The following LYAR variants were observed in gnomAD, a reference collection of about 807,000 sequenced individuals.
LYAR encodes the protein Ly1 antibody reactive, also known as cell growth-regulating nucleolar protein.
A neutral mutation model predicts 45.2 loss-of-function variants in LYAR; 37 were observed. That is an observed-to-expected ratio of 0.82 (90% CI 0.63 to 1.08). LYAR has a LOEUF of 1.08. LYAR is among the 50% of genes least tolerant of loss of function. LYAR has a pLI of 0.00. For missense variants in LYAR, 493 were observed against 451.0 expected, an observed-to-expected ratio of 1.09 and a Z score of -0.84; for synonymous variants, 176 against 155.1, an observed-to-expected ratio of 1.14 and a Z score of -1.00.
intron 5 of LYAR, 38 bp from the exon 6 acceptor site, chr4:4,279,568 C>G (rs1719316580): frequency 1.9e-6 from 3 of 1,565,904 alleles, no homozygotes; most frequent in Admixed American, 3.3e-5. Context: ...ATTGATCCCA[C>G]TTGGACAGGT....
chr4:4,274,262 A>C (rs1041304734), intron 7 of LYAR, 105 bp downstream of exon 7: 32 of 1,229,744 alleles, frequency 2.6e-5, no homozygotes, highest in Non-Finnish European at 3.3e-5. Context: ...AAAAAAAACC[A>C]CACACACACG....
intron 8 of LYAR, among the ~76,000 whole-genome samples, chr4:4,271,533 C>G (rs1357571244): frequency 6.6e-6 from 1 of 152,152 alleles, no homozygotes; most frequent in Non-Finnish European, 1.5e-5. Flanking sequence ...TATACCCAAA[C>G]AGTGGGGCTG....
intron 4 of LYAR, among the ~76,000 whole-genome samples, chr4:4,280,175 G>A (rs781048219): frequency 1.3e-5 from 2 of 152,156 alleles, no homozygotes; most frequent in Non-Finnish European, 2.9e-5. Flanking sequence ...ATTTGCAACA[G>A]CATCAAAAAG....
chr4:4,284,822 C>T (rs1719542040), intron 2 of LYAR, among the ~76,000 whole-genome samples: 1 of 152,114 alleles, frequency 6.6e-6, no homozygotes, highest in Non-Finnish European at 1.5e-5. Flanking sequence ...AGCTTTCTTC[C>T]TCATTAGGAA....
At chr4:4,276,112 G>A (rs887070891) in intron 6 of LYAR, among the ~76,000 whole-genome samples, 8 of 152,130 alleles carry the variant, frequency 5.3e-5, no homozygotes, top group Non-Finnish European at 1.2e-4. Flanking sequence ...GAGATGACCT[G>A]GAGCAATTCA....
At chr4:4,277,451 C>A (rs1479171494) in intron 6 of LYAR, among the ~76,000 whole-genome samples, 2 of 152,172 alleles carry the variant, frequency 1.3e-5, no homozygotes, top group African/African-American at 4.8e-5. Flanking sequence ...TAAACCAACT[C>A]CTCGGCCACA....
chr4:4,274,236 C>CA (rs1228889434), intron 7 of LYAR, 131 bp downstream of exon 7: 197 of 1,065,064 alleles, frequency 1.8e-4, no homozygotes, highest in South Asian at 5.9e-4. Flanking sequence ...GACTCCGTCT[C>CA]AAAAAAAACA....
intron 7 of LYAR, 133 bp downstream of exon 7, chr4:4,274,234 C>A: frequency 9.4e-7 from 1 of 1,063,168 alleles, no homozygotes; most frequent in South Asian, 1.6e-5. Context: ...AAGACTCCGT[C>A]TCAAAAAAAA....
In LYAR at chr4:4,270,737, A is replaced by C. The variant is rs552373505; in HGVS notation, c.920-2122T>G. On this transcript the variant is annotated intron_variant, in intron 8 of 9. Transcript: ENST00000343470. ...TCAAACCACAATGAGCGGTTACCAC[A>C]CATCTATCAGAATGGCGAAAATACA... 2.1e-3 allele frequency among the ~76,000 whole-genome samples: 313 copies of C among 152,376 alleles called. 3 individuals are homozygous for C. The highest frequency in any genetic ancestry group is 7.2e-3 in the African/African-American group (298 of 41,588).
chr4:4,279,745 A>C lies in LYAR; in HGVS notation c.242T>G (p.Ile81Ser), dbSNP rs1285255727. 1 of 1,581,642 alleles carries C rather than the reference A, an allele frequency of 6.3e-7. No homozygotes were observed. Among genetic ancestry groups the C allele is most frequent in the Admixed American group, 1.8e-5 (1 of 56,196 alleles). ...DIKQQAWIQKISELIKRPNVS... is the reference protein window; with the variant it reads ...DIKQQAWIQKSSELIKRPNVS... ...ATTGGGTCTCTTTATTAATTCACTA[A>C]TTTTCTACAAAAAGGGAAGAAAAAA... The change falls in exon 5 of 10, where the codon ATT becomes AGT. Residue 81 changes from isoleucine to serine, a missense_variant. Physicochemically the swap from Ile to Ser is moderately radical, Grantham distance 142 (BLOSUM62 -2). Transcript: ENST00000343470.
chr4:4,276,848 C>T (rs1719202666), intron 6 of LYAR, among the ~76,000 whole-genome samples: 1 of 151,992 alleles, frequency 6.6e-6, no homozygotes, highest in African/African-American at 2.4e-5. Flanking sequence ...CAGAGTGAGA[C>T]TCCGTCTCAA....
chr4:4,281,667 C>T (rs983029856), intron 4 of LYAR, 116 bp downstream of exon 4: 8 of 765,854 alleles, frequency 1.0e-5, no homozygotes, highest in African/African-American at 1.0e-4. Flanking sequence ...TATCCTAGGA[C>T]ATGAGGTTTC....
At chr4:4,271,820 C>T (rs1033830758) in intron 8 of LYAR, among the ~76,000 whole-genome samples, 1 of 152,146 alleles carries the variant, frequency 6.6e-6, no homozygotes, top group African/African-American at 2.4e-5. Context: ...TCATTAATAA[C>T]CAGAGACTAG....
Position 4,284,927 on chromosome 4 carries a change from C to A in LYAR, c.-53-1132G>T, listed in dbSNP as rs544410265. Reference sequence around the variant, plus strand: ...GTACAAATGATCTACCCTTGGTTTGCAGAGAATTCCCATGCATGAAATCAC... The same window carrying A: ...GTACAAATGATCTACCCTTGGTTTGAAGAGAATTCCCATGCATGAAATCAC... On this transcript the variant is annotated intron_variant, in intron 2 of 9. Transcript: ENST00000343470. 3.9e-5 allele frequency among the ~76,000 whole-genome samples: 6 copies of A among 152,278 alleles called. No individual in the cohort carries two copies. The South Asian group carries it at 1.2e-3, about 32-fold the overall frequency.
chr4:4,270,031 C>T (rs546602653), intron 8 of LYAR, among the ~76,000 whole-genome samples: 3 of 152,070 alleles, frequency 2.0e-5, no homozygotes, highest in African/African-American at 7.2e-5. Context: ...CAGGCCTGGG[C>T]AACACTGCAA....
At chr4:4,277,402 T>C (rs1719226099) in intron 6 of LYAR, among the ~76,000 whole-genome samples, 1 of 152,148 alleles carries the variant, frequency 6.6e-6, no homozygotes, top group East Asian at 1.9e-4. Context: ...TTCTACACAA[T>C]CCAGACCAGA....
chr4:4,271,889 C>T (rs542296197), intron 8 of LYAR, among the ~76,000 whole-genome samples: 2 of 152,322 alleles, frequency 1.3e-5, no homozygotes, highest in South Asian at 4.1e-4. Context: ...GCACGCACAG[C>T]ACGGGATACT....
intron 1 of LYAR, 148 bp from the exon 2 acceptor site, chr4:4,286,720 C>T (rs1367266337): frequency 1.4e-5 from 2 of 146,766 alleles, no homozygotes; most frequent in African/African-American, 5.1e-5. Context: ...ATTCTTGGCT[C>T]ACTGCAAGCT....
intron 2 of LYAR, among the ~76,000 whole-genome samples, chr4:4,284,339 G>T (rs1719522663): frequency 6.6e-6 from 1 of 152,188 alleles, no homozygotes; most frequent in South Asian, 2.1e-4. Flanking sequence ...GAGGAAAACT[G>T]AGTGAAGTTT....
Sources: allele counts gnomAD v4.1 joint callset (sites outside exome capture counted in the v4.1 genomes callset), GRCh38; gene constraint gnomAD v4.1.1; transcripts MANE v1.5; gene names NCBI Gene and HGNC (gene_info 2026-07-23, HGNC 2026-07-21).